Variants in DHX8 observed in about 807,000 individuals in gnomAD.
DHX8 encodes the protein ATP-dependent RNA helicase DHX8.
In DHX8, 67 loss-of-function variants were observed where a neutral mutation model predicts 140.7. That is an observed-to-expected ratio of 0.48 (90% CI 0.39 to 0.58). The LOEUF is 0.58. Ranked by LOEUF, DHX8 falls within the 20% of genes least tolerant of loss-of-function variation. DHX8 has a pLI of 0.00. For missense variants in DHX8, 887 were observed against 1,550.7 expected (o/e 0.57, Z 7.19); for synonymous variants, 533 against 553.2 (o/e 0.96, Z 0.51).
At chr17:43,499,072 C>A in intron 10 of DHX8, 113 bp downstream of exon 10, 2 of 761,414 alleles carry the variant, frequency 2.6e-6, no homozygotes, top group Non-Finnish European at 4.2e-6. Flanking sequence ...GAAAGTATTA[C>A]TGGCTGTTAG....
intron 20 of DHX8, 54 bp from the exon 21 acceptor site, chr17:43,521,315 G>A: frequency 1.4e-6 from 2 of 1,470,000 alleles, no homozygotes; most frequent in East Asian, 4.8e-5. Context: ...ATTGCTCCAT[G>A]TTCAGTTAGT....
At chr17:43,516,936 C>G (rs1233473938) in intron 17 of DHX8, among the ~76,000 whole-genome samples, 2 of 152,148 alleles carry the variant, frequency 1.3e-5, no homozygotes, top group Admixed American at 1.3e-4. Context: ...AATATTTCTT[C>G]CATTAACCCT....
At chr17:43,531,263 G>A (rs914265502), downstream of DHX8, among the ~76,000 whole-genome samples, 12 of 152,210 alleles carry the variant, frequency 7.9e-5, no homozygotes, top group African/African-American at 2.9e-4. Flanking sequence ...TGTAACAAAA[G>A]CCAGGAGGAA....
At chr17:43,507,710 AC>A (rs1232096595) in intron 14 of DHX8, 22 bp downstream of exon 14, 1 of 1,612,172 alleles carries the variant, frequency 6.2e-7, no homozygotes, top group South Asian at 1.1e-5. Flanking sequence ...CTCTTTAATG[AC>A]CCCTCTACCT....
chr17:43,530,256 C>G (rs978512140), downstream of DHX8: 17 of 1,540,660 alleles, frequency 1.1e-5, no homozygotes, highest in Non-Finnish European at 1.3e-5. Context: ...GAAGTCCTAT[C>G]CACATTCAAG....
intron 1 of DHX8, among the ~76,000 whole-genome samples, chr17:43,488,234 C>T (rs574098068): frequency 2.5e-4 from 38 of 151,250 alleles, no homozygotes; most frequent in South Asian, 4.2e-4. Flanking sequence ...GCCAAGATCC[C>T]GCCACTGCAC....
In DHX8 at chr17:43,524,464, GCGCTCGGAAACGA is replaced by G; in HGVS notation, c.*620_*632del. 5 of 987,356 alleles carry G rather than the reference GCGCTCGGAAACGA, an allele frequency of 5.1e-6. No individual in the cohort carries two copies. The highest frequency in any genetic ancestry group is 6.0e-6 in the Non-Finnish European group (5 of 831,422). 61.2% of individuals were successfully genotyped at this position (987,356 alleles called of 1,614,324 possible). A position where few individuals can be genotyped will look rare whatever the true frequency, so the allele number is the denominator to read the frequency against. ...TGAAACCAGAACGCAGGGCCTCTTT[GCGCTCGGAAACGA>G]CGTACAACCCAGACTTCCAGCCTTG... On this transcript the variant is annotated 3_prime_UTR_variant, in exon 23 of 23. Coordinates refer to ENST00000262415, the MANE Select transcript of DHX8 (RefSeq NM_004941.3).
Position 43,504,633 on chromosome 17 carries a change from T to C in DHX8, c.1547-11T>C, listed in dbSNP as rs957980222. On this transcript the variant is annotated splice_polypyrimidine_tract_variant and intron_variant, in intron 11 of 22. Coordinates refer to ENST00000262415, the MANE Select transcript of DHX8 (RefSeq NM_004941.3). Reference sequence around the variant, plus strand: ...TGAGGACAATACTAAGTTGCCTGTTTTCCTTTCCAGCGGAAGGCAGACAGA... The same window carrying C: ...TGAGGACAATACTAAGTTGCCTGTTCTCCTTTCCAGCGGAAGGCAGACAGA... 1.4e-5 allele frequency: 23 copies of C among 1,603,568 alleles called. No individual in the cohort carries two copies. The highest frequency in any genetic ancestry group is 2.0e-5 in the Non-Finnish European group (23 of 1,175,836).
chr17:43,513,258 T>C (rs370954300), intron 16 of DHX8, 104 bp from the exon 17 acceptor site: 1 of 1,269,354 alleles, frequency 7.9e-7, no homozygotes, highest in African/African-American at 1.5e-5. Context: ...GAGAGAGAGA[T>C]AGCCACATAT....
chr17:43,528,194 C>A, downstream of DHX8: 1 of 283,144 alleles, frequency 3.5e-6, no homozygotes. Flanking sequence ...CTCTGTCCCC[C>A]AGAACAGAAC....
chr17:43,524,529 C>T lies in DHX8; in HGVS notation c.*682C>T, dbSNP rs1186380428. 5.5e-5 allele frequency: 54 copies of T among 986,364 alleles called. No individual in the cohort carries two copies. The highest frequency in any genetic ancestry group is 6.4e-5 in the Non-Finnish European group (53 of 830,902). The allele number at this position is 986,364 out of a possible 1,614,324, so 61.1% of individuals were successfully genotyped here. On this transcript the variant is annotated 3_prime_UTR_variant, in exon 23 of 23. Transcript: ENST00000262415. Reference sequence around the variant, plus strand: ...CTTTCAGCATCAGCACTAGCCGGGCCGTGCTGGGGGATCACCCGATGATCA... The same window carrying T: ...CTTTCAGCATCAGCACTAGCCGGGCTGTGCTGGGGGATCACCCGATGATCA...
chr17:43,533,680 G>T (rs955457111), intron 2 of DHX8, among the ~76,000 whole-genome samples: 4 of 152,106 alleles, frequency 2.6e-5, no homozygotes, highest in Admixed American at 2.6e-4. Flanking sequence ...GAGGCCCTCT[G>T]CTGCGTTTTC....
At chr17:43,502,263 T>G (rs1969235784) in intron 11 of DHX8, among the ~76,000 whole-genome samples, 1 of 152,176 alleles carries the variant, frequency 6.6e-6, no homozygotes, top group Non-Finnish European at 1.5e-5. Context: ...GATTCAAATA[T>G]TAGATTAGGT....
rs1969609910 is a variant in DHX8 at position 43,508,433 on chromosome 17, A to G, written c.2415A>G (p.Pro805=). Residue 805 remains proline, a synonymous_variant, in exon 16 of 23, where the codon CCA becomes CCG. Coordinates refer to ENST00000262415, the MANE Select transcript of DHX8 (RefSeq NM_004941.3). The part of the protein sequence containing the change: ...ERMKSLGPDV[P]ELIILPVYSA... ...TGAAATCCCTGGGACCTGATGTTCC[A>G]GAGTTAATTATCCTCCCAGTGTACT... 2.5e-6 allele frequency: 4 copies of G among 1,613,822 alleles called. No individual in the cohort carries two copies. Among genetic ancestry groups the G allele is most frequent in the Non-Finnish European group, 3.4e-6 (4 of 1,179,936 alleles).
At chr17:43,530,358 A>T (rs1970849135), downstream of DHX8, 5 of 1,461,634 alleles carry the variant, frequency 3.4e-6, no homozygotes, top group Admixed American at 1.0e-4. Flanking sequence ...ACCCAGAGGG[A>T]GTGTGATGCT....
chr17:43,538,478 C>T (rs1472182080), intron 3 of DHX8, among the ~76,000 whole-genome samples: 1 of 152,114 alleles, frequency 6.6e-6, no homozygotes, highest in East Asian at 1.9e-4. Context: ...GAAGAGCTCT[C>T]CCAGGATGCC....
chr17:43,525,922 A>T (rs906426607), downstream of DHX8: 34 of 985,252 alleles, frequency 3.5e-5, no homozygotes, highest in African/African-American at 5.8e-4. Flanking sequence ...GGGATGTTGA[A>T]TGGGCTAAGG....
At chr17:43,499,011 T>C (rs149424973) in intron 10 of DHX8, 52 bp downstream of exon 10, 36 of 1,376,316 alleles carry the variant, frequency 2.6e-5, no homozygotes, top group Middle Eastern at 3.6e-4. Context: ...CTTCTTTTTC[T>C]AAAGTAATGG....
At chr17:43,534,190 G>A (rs1014689828) in intron 2 of DHX8, among the ~76,000 whole-genome samples, 2 of 152,172 alleles carry the variant, frequency 1.3e-5, no homozygotes, top group East Asian at 1.9e-4. Flanking sequence ...TCAGACTAGT[G>A]TCTGATTATT....
Sources: allele counts gnomAD v4.1 joint callset (sites outside exome capture counted in the v4.1 genomes callset), GRCh38; gene constraint gnomAD v4.1.1; transcripts MANE v1.5; gene names NCBI Gene and HGNC (gene_info 2026-07-23, HGNC 2026-07-21).